The following DNM3 variants were observed in gnomAD, a reference collection of about 807,000 sequenced individuals.
DNM3 encodes dynamin 3.
In DNM3, 47 loss-of-function variants were observed where a neutral mutation model predicts 101.6. That is an observed-to-expected ratio of 0.46 (90% CI 0.37 to 0.59). DNM3 has a LOEUF of 0.59. DNM3 is among the 20% of genes least tolerant of loss of function. The pLI, the probability that DNM3 is intolerant of heterozygous loss-of-function variation, is 0.00. For synonymous variants in DNM3, 385 were observed against 387.9 expected (o/e 0.99, Z 0.09); for missense variants, 849 against 1,085.7 (o/e 0.78, Z 3.06).
chr1:172,202,234 T>G (rs536935574), intron 14 of DNM3, among the ~76,000 whole-genome samples: 1 of 152,318 alleles, frequency 6.6e-6, no homozygotes, highest in South Asian at 2.1e-4. Context: ...TAGGATGAGT[T>G]AGGAAGTGTT....
chr1:172,269,233 T>C (rs1221625517), intron 15 of DNM3, among the ~76,000 whole-genome samples: 1 of 152,172 alleles, frequency 6.6e-6, no homozygotes, highest in East Asian at 1.9e-4. Flanking sequence ...AAAAAGAAAT[T>C]ATGTCCTTCA....
intron 14 of DNM3, among the ~76,000 whole-genome samples, chr1:172,226,213 C>G (rs1043026108): frequency 6.6e-6 from 1 of 152,018 alleles, no homozygotes; most frequent in African/African-American, 2.4e-5. Flanking sequence ...TAAACAAAAC[C>G]TTTAAACAAA....
At chr1:172,302,013 A>G (rs768890078) in intron 15 of DNM3, among the ~76,000 whole-genome samples, 3 of 152,194 alleles carry the variant, frequency 2.0e-5, no homozygotes, top group Non-Finnish European at 4.4e-5. Context: ...TACCTGGTTT[A>G]TCTCACTGCG....
chr1:172,306,388 C>G (rs1452473902), intron 15 of DNM3, among the ~76,000 whole-genome samples: 1 of 152,078 alleles, frequency 6.6e-6, no homozygotes, highest in African/African-American at 2.4e-5. Flanking sequence ...AGGACACAAA[C>G]AAATGGAAGA....
intron 1 of DNM3, among the ~76,000 whole-genome samples, chr1:171,883,068 T>G (rs1183607061): frequency 6.6e-6 from 1 of 152,028 alleles, no homozygotes; most frequent in Non-Finnish European, 1.5e-5. Context: ...ATTTTGTATC[T>G]GATTTTATGA....
intron 4 of DNM3, among the ~76,000 whole-genome samples, chr1:172,021,475 CA>C (rs1299851561): frequency 6.6e-6 from 1 of 151,896 alleles, no homozygotes; most frequent in East Asian, 1.9e-4. Flanking sequence ...AAAACAAAAC[CA>C]AAACAACAGC....
chr1:171,957,232 C>T (rs2042924278), intron 2 of DNM3, among the ~76,000 whole-genome samples: 1 of 148,202 alleles, frequency 6.7e-6, no homozygotes, highest in Non-Finnish European at 1.5e-5. Flanking sequence ...GAGTCTCGCA[C>T]TGTCACCCAG....
chr1:172,008,908 T>C (rs977258398), intron 4 of DNM3, among the ~76,000 whole-genome samples: 11 of 138,462 alleles, frequency 7.9e-5, no homozygotes, highest in African/African-American at 2.1e-4. Flanking sequence ...AATAAATATA[T>C]CATATTAAAT....
chr1:172,358,865 T>C (rs1292620016), intron 17 of DNM3, among the ~76,000 whole-genome samples: 1 of 147,826 alleles, frequency 6.8e-6, no homozygotes, highest in Non-Finnish European at 1.5e-5. Context: ...CGGGTCTCCC[T>C]TCCTGATTCT....
chr1:172,384,227 C>A (rs1452905812), intron 18 of DNM3, among the ~76,000 whole-genome samples: 2 of 152,082 alleles, frequency 1.3e-5, no homozygotes, highest in Non-Finnish European at 1.5e-5. Flanking sequence ...TGCTTAAATG[C>A]AAAATAAAAA....
intron 17 of DNM3, among the ~76,000 whole-genome samples, chr1:172,363,091 C>T (rs9425575): frequency 0.74 from 111,624 of 151,702 alleles, 43,529 homozygotes; most frequent in East Asian, 0.89. Context: ...ATTTATTCTT[C>T]CATTCTGAAA....
chr1:172,176,813 C>G (rs562225249), intron 14 of DNM3, among the ~76,000 whole-genome samples: 8 of 151,710 alleles, frequency 5.3e-5, no homozygotes, highest in African/African-American at 1.9e-4. Flanking sequence ...TGGGGAACCC[C>G]AGAAAGTTTT....
chr1:171,870,530 T>C (rs539290535), intron 1 of DNM3, among the ~76,000 whole-genome samples: 5 of 152,242 alleles, frequency 3.3e-5, no homozygotes, highest in African/African-American at 9.6e-5. Context: ...TGCACTATTC[T>C]GTGTTCTGCA....
intron 15 of DNM3, among the ~76,000 whole-genome samples, chr1:172,308,016 A>G (rs1039870747): frequency 3.3e-5 from 5 of 152,162 alleles, no homozygotes; most frequent in African/African-American, 1.2e-4. Flanking sequence ...AACTTAAAGT[A>G]TAATAATAAT....
chr1:172,383,214 T>C (rs950792352), intron 18 of DNM3, among the ~76,000 whole-genome samples: 5 of 152,150 alleles, frequency 3.3e-5, no homozygotes, highest in African/African-American at 1.2e-4. Flanking sequence ...CTAACACTCT[T>C]CTGCTTTCTT....
chr1:172,106,680 C>G (rs959107832), intron 13 of DNM3, among the ~76,000 whole-genome samples: 1 of 151,858 alleles, frequency 6.6e-6, no homozygotes, highest in Admixed American at 6.6e-5. Context: ...CATTGAATTT[C>G]ATTGAAGTGA....
chr1:172,147,753 G>A (rs1200302280), intron 14 of DNM3, among the ~76,000 whole-genome samples: 1 of 152,056 alleles, frequency 6.6e-6, no homozygotes, highest in Admixed American at 6.6e-5. Flanking sequence ...TCAAACAATA[G>A]AGAGGTATGT....
In DNM3 at chr1:172,044,369, C is replaced by T. The variant is rs1445002096; in HGVS notation, c.1129-16C>T. 5 of 1,599,222 alleles carry T rather than the reference C, an allele frequency of 3.1e-6. No homozygotes were observed. The highest frequency in any genetic ancestry group is 1.1e-5 in the South Asian group (1 of 87,596). ...GGAATTAAGTGTCATAACTATGGCTCATTTTGCATCTGCAGATGGAGTTCA... is the reference window on the plus strand; with the variant it reads ...GGAATTAAGTGTCATAACTATGGCTTATTTTGCATCTGCAGATGGAGTTCA... On this transcript the variant is annotated splice_polypyrimidine_tract_variant and intron_variant, in intron 8 of 20. Coordinates refer to ENST00000627582, the MANE Select transcript of DNM3 (RefSeq NM_015569.5).
At chr1:171,938,089 G>A (rs1224572458) in intron 2 of DNM3, among the ~76,000 whole-genome samples, 2 of 149,952 alleles carry the variant, frequency 1.3e-5, no homozygotes, top group Admixed American at 1.3e-4. Flanking sequence ...TAAATGTTCA[G>A]TCATGGCATC....
Sources: gnomAD v4.1 joint callset for allele counts (sites outside exome capture counted in the v4.1 genomes callset) on GRCh38, gnomAD v4.1.1 for gene constraint, MANE v1.5 for transcripts, NCBI Gene and HGNC (gene_info 2026-07-23, HGNC 2026-07-21) for gene names.